The following ZMYM6 variants were observed in gnomAD, a reference collection of about 807,000 sequenced individuals.
The protein encoded by ZMYM6 is zinc finger MYM-type containing 6, also known as zinc finger MYM-type protein 6.
Under a neutral mutation model 134.0 loss-of-function variants are expected in ZMYM6, and 90 were observed. The observed-to-expected ratio is 0.67, with a 90% CI of 0.57 to 0.80. The LOEUF is 0.80. Ranked by LOEUF, ZMYM6 falls within the 30% of genes least tolerant of loss-of-function variation. ZMYM6 has a pLI of 0.00. For synonymous variants in ZMYM6, 481 were observed against 524.1 expected, an observed-to-expected ratio of 0.92 and a Z score of 1.12; for missense variants, 1,362 against 1,533.9, an observed-to-expected ratio of 0.89 and a Z score of 1.87.
At position 35,020,436 on chromosome 1, in the gene ZMYM6, T is replaced by C; in HGVS notation, c.125A>G (p.Gln42Arg). 6.2e-7 allele frequency: 1 copy of C among 1,612,240 alleles called. No homozygotes were observed. Among genetic ancestry groups the C allele is most frequent in the Non-Finnish European group, 8.5e-7 (1 of 1,179,582 alleles). Reference protein sequence around the residue: ...EYGCVQQPKTQESKLKIGGVS... With the variant: ...EYGCVQQPKTRESKLKIGGVS... Reference sequence around the variant, plus strand: ...ACCACCAATTTTCAATTTACTTTCTTGAGTTTTTGGCTGTTGGACACATCC... The same window carrying C: ...ACCACCAATTTTCAATTTACTTTCTCGAGTTTTTGGCTGTTGGACACATCC... Residue 42 changes from glutamine to arginine, a missense_variant, in exon 3 of 16, where the codon CAA becomes CGA. Transcript: ENST00000357182.
Position 34,987,082 on chromosome 1 carries a change from C to CT in ZMYM6, c.*21dup. 1 of 1,455,496 alleles carries CT rather than the reference C, an allele frequency of 6.9e-7. No individual in the cohort carries two copies. Among genetic ancestry groups the CT allele is most frequent in the Non-Finnish European group, 9.2e-7 (1 of 1,092,140 alleles). The allele number at this position is 1,455,496 out of a possible 1,614,324, so 90.2% of individuals were successfully genotyped here. A position where few individuals can be genotyped will look rare whatever the true frequency, so the allele number is the denominator to read the frequency against. ...ACTTAACACAGGATTATTGACTTCACTGTTAAGCAATGTGCATATTGCTAC... is the reference window on the plus strand; with the variant it reads ...ACTTAACACAGGATTATTGACTTCACTTGTTAAGCAATGTGCATATTGCTAC... On this transcript the variant is annotated 3_prime_UTR_variant, in exon 16 of 16. Coordinates refer to ENST00000357182, the MANE Select transcript of ZMYM6 (RefSeq NM_007167.4).
intron 6 of ZMYM6, 42 bp from the exon 7 acceptor site, chr1:35,012,623 C>G (rs1417043279): frequency 1.3e-6 from 2 of 1,587,222 alleles, no homozygotes; most frequent in Non-Finnish European, 1.7e-6. Flanking sequence ...TACAAACATA[C>G]ATATTTACAT....
chr1:35,019,968 C>G (rs568275557), intron 3 of ZMYM6, among the ~76,000 whole-genome samples: 1 of 152,274 alleles, frequency 6.6e-6, no homozygotes, highest in African/African-American at 2.4e-5. Flanking sequence ...CTAAACCCAG[C>G]CCAGTCTCTC....
At chr1:35,024,261 C>A (rs989181989) in intron 2 of ZMYM6, among the ~76,000 whole-genome samples, 37 of 152,294 alleles carry the variant, frequency 2.4e-4, no homozygotes, top group African/African-American at 8.9e-4. Flanking sequence ...CCAAGTATTG[C>A]AAGCAATACA....
At position 35,008,794 on chromosome 1, in the gene ZMYM6, A is replaced by G; in HGVS notation, c.1623T>C (p.Cys541=). The part of the protein sequence containing the change: ...NRLEGKLEEF[C]CEDCMSKFTV... ...TAAATTTGGACATACAATCTTCACA[A>G]CAAAACTCTTCTAACTTGCCCTCCA... Residue 541 remains cysteine, a synonymous_variant, in exon 11 of 16, where the codon TGT becomes TGC. Coordinates refer to ENST00000357182, the MANE Select transcript of ZMYM6 (RefSeq NM_007167.4). 1 of 1,614,130 alleles carries G rather than the reference A, an allele frequency of 6.2e-7. No individual in the cohort carries two copies. Among genetic ancestry groups the G allele is most frequent in the Non-Finnish European group, 8.5e-7 (1 of 1,180,002 alleles).
At chr1:35,011,502 C>T (rs1641085624) in intron 8 of ZMYM6, among the ~76,000 whole-genome samples, 1 of 152,176 alleles carries the variant, frequency 6.6e-6, no homozygotes, top group South Asian at 2.1e-4. Context: ...TGGATGCTTA[C>T]AATTCCATGC....
chr1:35,028,900 C>T (rs1375050654), intron 2 of ZMYM6, among the ~76,000 whole-genome samples: 1 of 151,936 alleles, frequency 6.6e-6, no homozygotes, highest in African/African-American at 2.4e-5. Context: ...CACTTAAAAC[C>T]CTACAATTGG....
intron 12 of ZMYM6, 145 bp from the exon 13 acceptor site, chr1:35,005,417 G>A: frequency 1.1e-6 from 1 of 876,004 alleles, no homozygotes. Flanking sequence ...GTTAGGTTGG[G>A]TGACTCTGGT....
chr1:35,015,585 G>A (rs948749079), intron 4 of ZMYM6, among the ~76,000 whole-genome samples: 2 of 151,232 alleles, frequency 1.3e-5, no homozygotes, highest in African/African-American at 2.4e-5. Context: ...CTAGATGGGC[G>A]TGGTGGTGGG....
intron 3 of ZMYM6, among the ~76,000 whole-genome samples, 193 bp from the exon 4 acceptor site, chr1:35,019,795 CTT>C (rs1641272986): frequency 6.6e-6 from 1 of 152,094 alleles, no homozygotes; most frequent in African/African-American, 2.4e-5. Context: ...GCCTCAGCCT[CTT>C]GAGTAGCTAG....
chr1:35,015,743 A>AAAAAAATATATATATATAT, intron 4 of ZMYM6, among the ~76,000 whole-genome samples: 3 of 106,458 alleles, frequency 2.8e-5, no homozygotes, highest in South Asian at 2.6e-4. Flanking sequence ...AAAAAAAAAA[A>AAAAAAATATATATATATAT]ATATATATAT....
chr1:34,998,527 T>C (rs770220362), intron 14 of ZMYM6, among the ~76,000 whole-genome samples: 6 of 152,022 alleles, frequency 3.9e-5, no homozygotes, highest in Non-Finnish European at 8.8e-5. Flanking sequence ...GAGAAAAAAC[T>C]GCAAAGGACA....
At chr1:35,011,751 G>A (rs567745757) in intron 8 of ZMYM6, 139 bp downstream of exon 8, 414 of 460,222 alleles carry the variant, frequency 9.0e-4, no homozygotes, top group Middle Eastern at 2.3e-3. Flanking sequence ...TGACCTGGTT[G>A]GGCCCCTGGA....
At chr1:35,031,468 G>T (rs888617665) in intron 1 of ZMYM6, 1 of 152,240 alleles carries the variant, frequency 6.6e-6, no homozygotes, top group Non-Finnish European at 1.5e-5. Context: ...GTCCGGGATG[G>T]AAACGGACAA....
chr1:35,021,290 G>A (rs911229285), intron 2 of ZMYM6, among the ~76,000 whole-genome samples: 1 of 151,612 alleles, frequency 6.6e-6, no homozygotes, highest in Admixed American at 6.6e-5. Flanking sequence ...ACAGGCTTGC[G>A]CTACCACACC....
At chr1:35,018,539 T>C (rs1174400434) in intron 4 of ZMYM6, 2 of 151,952 alleles carry the variant, frequency 1.3e-5, no homozygotes, top group Non-Finnish European at 2.9e-5. Flanking sequence ...GATATAATTT[T>C]TATTATTAAT....
At chr1:35,031,641 G>A (rs147516169) in intron 1 of ZMYM6, 174 bp downstream of exon 1, 2 of 152,262 alleles carry the variant, frequency 1.3e-5, no homozygotes, top group East Asian at 3.9e-4. Flanking sequence ...GAGGCAATGT[G>A]GTCTCCGACT....
intron 1 of ZMYM6, 49 bp from the exon 2 acceptor site, chr1:35,030,762 T>C (rs537583680): frequency 4.9e-6 from 5 of 1,020,462 alleles, no homozygotes; most frequent in South Asian, 1.5e-5. Context: ...CTTATCTATA[T>C]GAAAGAAAAA....
chr1:34,992,630 A>G (rs1016089891), intron 14 of ZMYM6, among the ~76,000 whole-genome samples: 2 of 146,972 alleles, frequency 1.4e-5, no homozygotes, highest in Non-Finnish European at 3.0e-5. Flanking sequence ...ATATATTTAT[A>G]AACTATAAAT....
Sources: gnomAD v4.1 joint callset for allele counts (sites outside exome capture counted in the v4.1 genomes callset) on GRCh38, gnomAD v4.1.1 for gene constraint, MANE v1.5 for transcripts, NCBI Gene and HGNC (gene_info 2026-07-23, HGNC 2026-07-21) for gene names.